Variants in EYA3 observed in about 807,000 individuals in gnomAD.
EYA3 encodes the protein protein phosphatase EYA3.
Under a neutral mutation model 80.0 loss-of-function variants are expected in EYA3, and 39 were observed. That is an observed-to-expected ratio of 0.49 (90% confidence interval 0.38 to 0.64). EYA3 has a LOEUF of 0.64. EYA3 is among the 30% of genes least tolerant of loss of function. The probability of loss-of-function intolerance (pLI) is 0.00; values close to 1 mark genes in which losing one functional copy is unlikely to be tolerated. For synonymous variants in EYA3, 206 were observed against 232.8 expected, an observed-to-expected ratio of 0.88 and a Z score of 1.05; for missense variants, 523 against 676.1, an observed-to-expected ratio of 0.77 and a Z score of 2.51.
chr1:28,062,999 G>A lies in EYA3; in HGVS notation c.-68-4905C>T, dbSNP rs1191251487. On this transcript the variant is annotated intron_variant, in intron 1 of 17. Transcript: ENST00000373871. ...GCTGGGCGACAGGAAACTGACTAAC[G>A]CTCCATCTCAAAAAAAAAAAAAAAA... Among the ~76,000 whole-genome samples, 22 of 134,708 alleles carry A rather than the reference G, an allele frequency of 1.6e-4. 1 individual carries two copies. The Admixed American group carries it at 1.7e-3, about 10-fold the overall frequency. The allele number at this position is 134,708 out of a possible 152,430, so 88.4% of individuals were successfully genotyped here. A position where few individuals can be genotyped will look rare whatever the true frequency, so the allele number is the denominator to read the frequency against.
chr1:27,998,391 G>C, intron 12 of EYA3: 11 of 774,196 alleles, frequency 1.4e-5, no homozygotes, highest in Non-Finnish European at 1.6e-5. Context: ...ATAATTATTG[G>C]CATGTAGTAG....
At chr1:28,042,473 T>C (rs1322768002) in intron 4 of EYA3, 98 bp downstream of exon 4, 6 of 979,974 alleles carry the variant, frequency 6.1e-6, no homozygotes, top group Non-Finnish European at 9.6e-6. Context: ...CAGGATATTT[T>C]GGGACAAACA....
intron 17 of EYA3, among the ~76,000 whole-genome samples, chr1:27,978,066 G>A (rs1219521733): frequency 6.6e-6 from 1 of 152,082 alleles, no homozygotes; most frequent in Non-Finnish European, 1.5e-5. Context: ...GCTTGAGAAG[G>A]CACTGTCTTT....
chr1:28,072,367 C>A (rs1218626584), intron 1 of EYA3, among the ~76,000 whole-genome samples: 1 of 151,998 alleles, frequency 6.6e-6, no homozygotes, highest in Non-Finnish European at 1.5e-5. Context: ...TAATGAGCTG[C>A]ATTCAGAGGA....
At chr1:27,998,911 G>C (rs1388473258) in intron 12 of EYA3, among the ~76,000 whole-genome samples, 1 of 152,100 alleles carries the variant, frequency 6.6e-6, no homozygotes, top group Non-Finnish European at 1.5e-5. Context: ...TGGGATTACA[G>C]GTGTGCGCCA....
Position 28,022,082 on chromosome 1 carries a change from C to T in EYA3, c.500-4843G>A, listed in dbSNP as rs189005300. Among the ~76,000 whole-genome samples, 77 of 152,172 alleles carry T rather than the reference C, an allele frequency of 5.1e-4. 1 individual carries two copies. The East Asian group carries it at 0.015, about 29-fold the overall frequency. On this transcript the variant is annotated intron_variant, in intron 7 of 17. Transcript: ENST00000373871. ...TCCTTTATCAAATATTTATTGAGTG[C>T]CTACTATGTGCAAGCACTGCTCCAC...
At chr1:28,074,029 G>A (rs1645120676) in intron 1 of EYA3, among the ~76,000 whole-genome samples, 1 of 152,042 alleles carries the variant, frequency 6.6e-6, no homozygotes, top group Admixed American at 6.6e-5. Flanking sequence ...TTAGTAACGA[G>A]ATCTGAAACA....
intron 1 of EYA3, among the ~76,000 whole-genome samples, chr1:28,061,860 A>C (rs1414775563): frequency 2.0e-5 from 3 of 151,978 alleles, no homozygotes; most frequent in Non-Finnish European, 4.4e-5. Context: ...CAGCCTCCCA[A>C]AGTGCTGGCA....
chr1:28,067,913 T>G lies in EYA3; in HGVS notation c.-68-9819A>C, dbSNP rs115943161. Among the ~76,000 whole-genome samples the G allele has an allele frequency of 4.6e-3, 700 of 152,264 alleles. 5 individuals are homozygous for G. Among genetic ancestry groups the G allele is most frequent in the African/African-American group, 0.016 (670 of 41,548 alleles). On this transcript the variant is annotated intron_variant, in intron 1 of 17. Coordinates refer to ENST00000373871, the MANE Select transcript of EYA3 (RefSeq NM_001990.4). Reference sequence around the variant, plus strand: ...ATTAAATGTAATCCTTATTTTAAAGTTGAGGAAATTAAACAAAAGAGAAGG... The same window carrying G: ...ATTAAATGTAATCCTTATTTTAAAGGTGAGGAAATTAAACAAAAGAGAAGG...
At chr1:28,078,049 C>T (rs1645284790) in intron 1 of EYA3, among the ~76,000 whole-genome samples, 1 of 152,014 alleles carries the variant, frequency 6.6e-6, no homozygotes, top group Non-Finnish European at 1.5e-5. Context: ...TTTACCCCTT[C>T]AAAACTCCAT....
At chr1:28,036,742 C>G (rs920229486) in intron 5 of EYA3, among the ~76,000 whole-genome samples, 1 of 152,008 alleles carries the variant, frequency 6.6e-6, no homozygotes, top group South Asian at 2.1e-4. Context: ...TTTTTAGATA[C>G]CAATTATCTC....
Position 28,080,820 on chromosome 1 carries a change from G to A in EYA3, c.-69+7704C>T, listed in dbSNP as rs142299000. Among the ~76,000 whole-genome samples, 703 of 152,146 alleles carry A rather than the reference G, an allele frequency of 4.6e-3. 5 individuals carry two copies. Among genetic ancestry groups the A allele is most frequent in the African/African-American group, 0.016 (672 of 41,522 alleles). On this transcript the variant is annotated intron_variant, in intron 1 of 17. Transcript: ENST00000373871. ...GGCTGGAGTGCAATAGCGTGGTCTC[G>A]GCTCACTGCAACCTCCGCCTCCTGG... is the stretch of plus-strand genomic sequence containing the variant.
At chr1:27,982,150 G>T (rs1253039374) in intron 16 of EYA3, among the ~76,000 whole-genome samples, 1 of 151,892 alleles carries the variant, frequency 6.6e-6, no homozygotes, top group African/African-American at 2.4e-5. Flanking sequence ...AGGACTACAG[G>T]TGCCCGCCAC....
chr1:27,989,581 A>T, intron 15 of EYA3, 116 bp downstream of exon 15: 1 of 542,574 alleles, frequency 1.8e-6, no homozygotes, highest in East Asian at 3.2e-5. Context: ...TCCCTACATC[A>T]TTTAAACTCC....
Position 28,009,519 on chromosome 1 carries a change from G to A in EYA3, c.909+1428C>T. ...ACAAAAATTAGCCAGGCATGGTGGTGTGCACCTATAATCCCAGCTACTCTG... is the reference window on the plus strand; with the variant it reads ...ACAAAAATTAGCCAGGCATGGTGGTATGCACCTATAATCCCAGCTACTCTG... On this transcript the variant is annotated intron_variant, in intron 10 of 17. Coordinates refer to ENST00000373871, the MANE Select transcript of EYA3 (RefSeq NM_001990.4). The surrounding 1 kb of genome is among the most constrained non-coding windows in gnomAD (Gnocchi z 4.8). Among the ~76,000 whole-genome samples, 1 of 152,108 alleles carries A rather than the reference G, an allele frequency of 6.6e-6. No homozygotes were observed. Among genetic ancestry groups the A allele is most frequent in the East Asian group, 1.9e-4 (1 of 5,168 alleles).
rs151158116 is a variant in EYA3, at chr1:27,992,231, G to A, written c.1303+1169C>T. 6.9e-3 allele frequency among the ~76,000 whole-genome samples: 1,046 copies of A among 152,116 alleles called. 5 individuals carry two copies. The highest frequency in any genetic ancestry group is 0.01 in the Non-Finnish European group (712 of 68,000). ...CAGTCCTCAACCTTTTCAGCACCAG[G>A]GACCAGTTTCGTAGAGGACAATTTT... On this transcript the variant is annotated intron_variant, in intron 14 of 17. Coordinates refer to ENST00000373871, the MANE Select transcript of EYA3 (RefSeq NM_001990.4).
chr1:28,087,661 C>T (rs183869599), intron 1 of EYA3, among the ~76,000 whole-genome samples: 1 of 152,358 alleles, frequency 6.6e-6, no homozygotes, highest in East Asian at 1.9e-4. Flanking sequence ...CAGAGCTGAA[C>T]GTCCCAAAAT....
At chr1:28,031,952 T>A (rs563148553) in intron 6 of EYA3, 1 of 152,278 alleles carries the variant, frequency 6.6e-6, no homozygotes, top group Admixed American at 6.5e-5. Context: ...ATCCCACTAC[T>A]GATCAGCAAT....
chr1:28,042,159 C>T (rs1643819135), intron 4 of EYA3, among the ~76,000 whole-genome samples: 1 of 152,082 alleles, frequency 6.6e-6, no homozygotes, highest in Non-Finnish European at 1.5e-5. Flanking sequence ...GGTCTGAGAA[C>T]CACCAGAATA....
Sources: gnomAD v4.1 joint callset for allele counts (sites outside exome capture counted in the v4.1 genomes callset) on GRCh38, gnomAD v4.1.1 for gene constraint, Gnocchi (gnomAD v3.1) non-coding constraint, MANE v1.5 for transcripts, NCBI Gene and HGNC (gene_info 2026-07-23, HGNC 2026-07-21) for gene names.